TMEM132B: variants seen among roughly 807,000 people sequenced by gnomAD.
TMEM132B encodes the protein transmembrane protein 132B.
A neutral mutation model predicts 90.8 loss-of-function variants in TMEM132B; 18 were observed. The observed-to-expected ratio is 0.20, with a 90% confidence interval of 0.14 to 0.29. The LOEUF (loss-of-function observed/expected upper bound fraction) is 0.29, where lower values mean the gene tolerates loss of function less well. TMEM132B is among the 10% of genes least tolerant of loss of function. The pLI is 1.00. For synonymous variants in TMEM132B, 504 were observed against 523.3 expected, an observed-to-expected ratio of 0.96 and a Z score of 0.50; for missense variants, 1,096 against 1,326.8, an observed-to-expected ratio of 0.83 and a Z score of 2.70.
intron 1 of TMEM132B, among the ~76,000 whole-genome samples, chr12:125,211,469 G>A (rs1873315592): frequency 1.3e-5 from 2 of 152,260 alleles, no homozygotes; most frequent in South Asian, 2.1e-4. Context: ...CCCACTGAGG[G>A]GGAGCGAGGC....
intron 5 of TMEM132B, among the ~76,000 whole-genome samples, chr12:125,612,096 A>G (rs1566089148): frequency 6.6e-6 from 1 of 152,124 alleles, no homozygotes; most frequent in Non-Finnish European, 1.5e-5. Flanking sequence ...TTTTTGGTGA[A>G]CATATATTTA....
At chr12:125,236,901 T>C (rs1335700398) in intron 1 of TMEM132B, among the ~76,000 whole-genome samples, 3 of 152,176 alleles carry the variant, frequency 2.0e-5, no homozygotes, top group Admixed American at 6.5e-5. Context: ...CTGTAGTGCA[T>C]CGGAGAGGTG....
At chr12:125,605,271 T>C (rs80230479) in intron 5 of TMEM132B, among the ~76,000 whole-genome samples, 11,283 of 152,260 alleles carry the variant, frequency 0.074, 486 homozygotes, top group East Asian at 0.16. Flanking sequence ...AGTGGGTGGT[T>C]AGCAATCATC....
chr12:125,224,702 C>G (rs1298742182), intron 1 of TMEM132B, among the ~76,000 whole-genome samples: 1 of 152,242 alleles, frequency 6.6e-6, no homozygotes. Context: ...AGAAAAACCC[C>G]AACTGAATAT....
Position 125,631,770 on chromosome 12 carries a change from T to G in TMEM132B, c.1438-12306T>G, listed in dbSNP as rs182802307. Among the ~76,000 whole-genome samples the G allele has an allele frequency of 1.3e-3, 201 of 152,240 alleles. 1 individual carries two copies. The highest frequency in any genetic ancestry group is 4.4e-3 in the African/African-American group (183 of 41,584). The stretch of plus-strand genomic sequence containing the variant: ...TTTGTCTCTTCTTAGAGTTTTGTCT[T>G]GAAGTCAATTTGTCGGATATAAGCA... On this transcript the variant is annotated intron_variant, in intron 5 of 8. Coordinates refer to ENST00000682704, the MANE Select transcript of TMEM132B (RefSeq NM_001366854.1).
chr12:125,307,101 C>A (rs60214595), intron 1 of TMEM132B, among the ~76,000 whole-genome samples: 37,576 of 152,206 alleles, frequency 0.25, 5,434 homozygotes, highest in Non-Finnish European at 0.35. Context: ...CTTAACACTG[C>A]AACCACTTGG....
intron 3 of TMEM132B, among the ~76,000 whole-genome samples, chr12:125,453,751 C>A (rs1881217333): frequency 6.6e-6 from 1 of 152,210 alleles, no homozygotes. Context: ...TCCTATTCCT[C>A]TCTTGGAGAT....
intron 3 of TMEM132B, among the ~76,000 whole-genome samples, chr12:125,439,689 G>T (rs1009955115): frequency 1.2e-4 from 18 of 152,170 alleles, no homozygotes; most frequent in African/African-American, 3.9e-4. Flanking sequence ...CTCTGGCCCA[G>T]ACTTCCAATT....
chr12:125,331,760 T>C (rs1353390921), intron 1 of TMEM132B, among the ~76,000 whole-genome samples: 2 of 152,212 alleles, frequency 1.3e-5, no homozygotes, highest in African/African-American at 2.4e-5. Context: ...AGTTATTTAT[T>C]TGATACATTT....
intron 8 of TMEM132B, among the ~76,000 whole-genome samples, 167 bp from the exon 9 acceptor site, chr12:125,653,398 T>C (rs991322824): frequency 3.9e-5 from 6 of 152,248 alleles, no homozygotes; most frequent in Non-Finnish European, 7.3e-5. Flanking sequence ...CAGCACATTA[T>C]TGATGCCGGT....
chr12:125,563,413 C>T (rs976391264), intron 4 of TMEM132B, among the ~76,000 whole-genome samples: 2 of 151,902 alleles, frequency 1.3e-5, no homozygotes, highest in Non-Finnish European at 2.9e-5. Context: ...TCGAGACTAA[C>T]CTGGCCAACA....
At position 125,406,967 on chromosome 12, in the gene TMEM132B, G is replaced by C. The variant is rs866286976; in HGVS notation, c.960-8564G>C. On this transcript the variant is annotated intron_variant, in intron 2 of 8. Transcript: ENST00000682704. The surrounding 1 kb of genome is among the most constrained non-coding windows in gnomAD (Gnocchi z 8.3). ...CCAGTTGACCTTTCCCAGTGGAGTC[G>C]TATGGACAGCATTTGCTTCTCCCAG... is the stretch of plus-strand genomic sequence containing the variant. Among the ~76,000 whole-genome samples the C allele has an allele frequency of 6.6e-6, 1 of 152,198 alleles. No homozygotes were observed. Among genetic ancestry groups the C allele is most frequent in the African/African-American group, 2.4e-5 (1 of 41,446 alleles).
chr12:125,248,714 A>G (rs925080324), intron 1 of TMEM132B, among the ~76,000 whole-genome samples: 1 of 152,118 alleles, frequency 6.6e-6, no homozygotes, highest in African/African-American at 2.4e-5. Flanking sequence ...TTTTGTGGGA[A>G]GGAGACTGGG....
At chr12:125,506,957 A>G (rs1017400832) in intron 3 of TMEM132B, among the ~76,000 whole-genome samples, 8 of 152,262 alleles carry the variant, frequency 5.3e-5, no homozygotes, top group Admixed American at 2.6e-4. Flanking sequence ...CCAGCATATC[A>G]TGGCTTTGCC....
intron 3 of TMEM132B, among the ~76,000 whole-genome samples, chr12:125,436,130 G>A (rs1473999524): frequency 6.6e-6 from 1 of 152,224 alleles, no homozygotes; most frequent in East Asian, 1.9e-4. Flanking sequence ...CCAGTGGAAA[G>A]TAGAAAGGGT....
chr12:125,209,223 A>G lies in TMEM132B; in HGVS notation c.67+22357A>G, dbSNP rs150354657. On this transcript the variant is annotated intron_variant, in intron 1 of 8. Coordinates refer to ENST00000682704, the MANE Select transcript of TMEM132B (RefSeq NM_001366854.1). This position sits in a 1 kb window ranked among gnomAD's most constrained non-coding sequence, Gnocchi z 4.4. Reference sequence around the variant, plus strand: ...CTCTGGCCAGCCTGAGCCTGGGTGCACACGAGGGCCGCTCTCTTTCTGTAA... The same window carrying G: ...CTCTGGCCAGCCTGAGCCTGGGTGCGCACGAGGGCCGCTCTCTTTCTGTAA... 5.1e-3 allele frequency among the ~76,000 whole-genome samples: 775 copies of G among 152,322 alleles called. 9 individuals carry two copies. Among genetic ancestry groups the G allele is most frequent in the African/African-American group, 0.018 (730 of 41,568 alleles).
intron 3 of TMEM132B, among the ~76,000 whole-genome samples, chr12:125,478,398 A>G (rs148592425): frequency 2.0e-5 from 3 of 152,334 alleles, no homozygotes; most frequent in African/African-American, 7.2e-5. Flanking sequence ...TAACTAGAAT[A>G]AACAGTGTAG....
At chr12:125,235,302 C>A (rs370053151) in intron 1 of TMEM132B, among the ~76,000 whole-genome samples, 1 of 152,192 alleles carries the variant, frequency 6.6e-6, no homozygotes, top group Non-Finnish European at 1.5e-5. Context: ...TGATTTGGAA[C>A]CTCCAAACTA....
chr12:125,498,198 C>G lies in TMEM132B; in HGVS notation c.1107-21241C>G, dbSNP rs1247406840. Among the ~76,000 whole-genome samples, 1 of 152,180 alleles carries G rather than the reference C, an allele frequency of 6.6e-6. No homozygotes were observed. The highest frequency in any genetic ancestry group is 1.5e-5 in the Non-Finnish European group (1 of 68,040). ...TCTGGTTCTCTGAGGGTGTATATTT[C>G]TATGTCCTGGTCAGAAGGCTGGGAG... On this transcript the variant is annotated intron_variant, in intron 3 of 8. Coordinates refer to ENST00000682704, the MANE Select transcript of TMEM132B (RefSeq NM_001366854.1). The surrounding 1 kb of genome is among the most constrained non-coding windows in gnomAD (Gnocchi z 4.5).
Sources: gnomAD v4.1 joint callset for allele counts (sites outside exome capture counted in the v4.1 genomes callset) on GRCh38, gnomAD v4.1.1 for gene constraint, Gnocchi (gnomAD v3.1) non-coding constraint, MANE v1.5 for transcripts, NCBI Gene and HGNC (gene_info 2026-07-23, HGNC 2026-07-21) for gene names.